IGSF10: variants seen among roughly 807,000 people sequenced by gnomAD.
The protein encoded by IGSF10 is immunoglobulin superfamily member 10, also known as calvaria mechanical force protein 608.
Under a neutral mutation model 128.2 loss-of-function variants are expected in IGSF10, and 126 were observed. The observed-to-expected ratio is 0.98, with a 90% confidence interval of 0.85 to 1.14. The LOEUF is 1.14. IGSF10 is among the 50% of genes most tolerant of loss of function. The probability of loss-of-function intolerance (pLI) is 0.00; values close to 1 mark genes in which losing one functional copy is unlikely to be tolerated. For synonymous variants in IGSF10, 1,185 were observed against 1,146.2 expected (o/e 1.03, Z -0.68); for missense variants, 3,295 against 3,149.8 (o/e 1.05, Z -1.10).
the IGSF10 span, among the ~76,000 whole-genome samples, chr3:151,579,079 G>A: frequency 6.6e-6 from 1 of 152,130 alleles, no homozygotes; most frequent in East Asian, 1.9e-4. Context: ...GGGTTGAAAA[G>A]AACATTAAAA....
chr3:151,525,328 T>C, the IGSF10 span, among the ~76,000 whole-genome samples: 1 of 152,214 alleles, frequency 6.6e-6, no homozygotes, highest in African/African-American at 2.4e-5. Flanking sequence ...AATTCCAGTT[T>C]AGTTGCCACT....
chr3:151,463,788 C>G (rs1222670046), upstream of IGSF10, among the ~76,000 whole-genome samples: 1 of 151,798 alleles, frequency 6.6e-6, no homozygotes, highest in Non-Finnish European at 1.5e-5. Flanking sequence ...GAATTTGAGA[C>G]CAGCCTGGTC....
At chr3:151,442,669 G>A (rs1194112582) in intron 7 of IGSF10, among the ~76,000 whole-genome samples, 3 of 151,170 alleles carry the variant, frequency 2.0e-5, no homozygotes, top group Admixed American at 1.3e-4. Flanking sequence ...GATTACAGGC[G>A]TGAGCCACCG....
the IGSF10 span, among the ~76,000 whole-genome samples, chr3:151,524,474 G>T: frequency 3.3e-5 from 5 of 152,154 alleles, no homozygotes; most frequent in African/African-American, 9.7e-5. Context: ...CATGTCTTTT[G>T]CAGGAACATG....
At chr3:151,488,785 A>T in the IGSF10 span, among the ~76,000 whole-genome samples, 1 of 152,240 alleles carries the variant, frequency 6.6e-6, no homozygotes, top group Non-Finnish European at 1.5e-5. Flanking sequence ...AGAAAGCTGA[A>T]ACTGGATCCC....
chr3:151,551,991 G>A, the IGSF10 span, among the ~76,000 whole-genome samples: 3 of 152,120 alleles, frequency 2.0e-5, no homozygotes, highest in Non-Finnish European at 4.4e-5. Context: ...TTGGCTCTAT[G>A]TCCCCATCCA....
At chr3:151,435,909 TC>T (rs762569531), downstream of IGSF10, 4 of 152,194 alleles carry the variant, frequency 2.6e-5, no homozygotes, top group Non-Finnish European at 5.9e-5. Context: ...GAGCAACGAT[TC>T]CTGCTCAGAA....
chr3:151,446,538 G>A lies in IGSF10; in HGVS notation c.3443C>T (p.Thr1148Ile). 6.2e-7 allele frequency: 1 copy of A among 1,614,112 alleles called. No homozygotes were observed. Among genetic ancestry groups the A allele is most frequent in the Non-Finnish European group, 8.5e-7 (1 of 1,179,954 alleles). The change falls in exon 6 of 8, where the codon ACA (threonine) becomes ATA (isoleucine). Residue 1148 changes from threonine to isoleucine, a missense_variant. Coordinates refer to ENST00000282466, the MANE Select transcript of IGSF10 (RefSeq NM_178822.5). ...GTGAGTTTTTTCCATGGGTATGGATGTTGGAGCATATGTCATGACTGCACC... is the reference window on the plus strand; with the variant it reads ...GTGAGTTTTTTCCATGGGTATGGATATTGGAGCATATGTCATGACTGCACC... ...PTGAVMTYAP[T>I]SIPMEKTHKV...
At chr3:151,520,967 A>G in the IGSF10 span, among the ~76,000 whole-genome samples, 2 of 151,612 alleles carry the variant, frequency 1.3e-5, no homozygotes, top group African/African-American at 4.8e-5. Flanking sequence ...GCAATATCCA[A>G]TAGTCTTTAA....
the IGSF10 span, among the ~76,000 whole-genome samples, chr3:151,601,832 C>T: frequency 1.3e-5 from 2 of 152,088 alleles, no homozygotes; most frequent in African/African-American, 2.4e-5. Flanking sequence ...TGAGTAGGAC[C>T]GTTAAGAGAA....
At chr3:151,509,114 A>G in the IGSF10 span, among the ~76,000 whole-genome samples, 18 of 152,234 alleles carry the variant, frequency 1.2e-4, no homozygotes, top group Non-Finnish European at 2.5e-4. Context: ...AACACTCTTG[A>G]ATATCAGTAT....
the IGSF10 span, among the ~76,000 whole-genome samples, chr3:151,467,666 C>T: frequency 1.9e-3 from 289 of 152,102 alleles, 3 homozygotes; most frequent in East Asian, 0.022. Context: ...GGGTGGATCA[C>T]GAGGTCAGGA....
chr3:151,475,366 C>G, the IGSF10 span, among the ~76,000 whole-genome samples: 11 of 152,088 alleles, frequency 7.2e-5, no homozygotes, highest in Non-Finnish European at 1.5e-5. Context: ...AGAGGTTAAC[C>G]AAAAGGGGGG....
the IGSF10 span, among the ~76,000 whole-genome samples, chr3:151,474,581 A>G: frequency 6.6e-6 from 1 of 152,222 alleles, no homozygotes. Flanking sequence ...AATGAGGACT[A>G]GGACCAATTA....
the IGSF10 span, among the ~76,000 whole-genome samples, chr3:151,614,992 A>G: frequency 6.6e-6 from 1 of 152,068 alleles, no homozygotes; most frequent in Non-Finnish European, 1.5e-5. Flanking sequence ...TTGTAATGAT[A>G]GATGACTTTG....
At chr3:151,432,783 T>C (rs1197684581), downstream of IGSF10, 2 of 1,613,370 alleles carry the variant, frequency 1.2e-6, no homozygotes, top group Non-Finnish European at 1.7e-6. Context: ...TGACTCCGTA[T>C]GGGCATCCTT....
the IGSF10 span, among the ~76,000 whole-genome samples, chr3:151,510,607 G>A: frequency 6.6e-6 from 1 of 152,206 alleles, no homozygotes; most frequent in African/African-American, 2.4e-5. Flanking sequence ...GAACAAAGCT[G>A]GACGGAGAAT....
At chr3:151,525,343 A>G in the IGSF10 span, among the ~76,000 whole-genome samples, 2 of 152,166 alleles carry the variant, frequency 1.3e-5, no homozygotes, top group African/African-American at 2.4e-5. Context: ...GCCACTCTGA[A>G]TTCAGGTAGC....
chr3:151,473,238 G>A, the IGSF10 span, among the ~76,000 whole-genome samples: 1 of 152,170 alleles, frequency 6.6e-6, no homozygotes, highest in Non-Finnish European at 1.5e-5. Flanking sequence ...CAAAACCAGA[G>A]TAATTGTTGG....
Sources: allele counts gnomAD v4.1 joint callset (sites outside exome capture counted in the v4.1 genomes callset), GRCh38; gene constraint gnomAD v4.1.1; transcripts MANE v1.5; gene names NCBI Gene and HGNC (gene_info 2026-07-23, HGNC 2026-07-21).